Variants in CD58 observed in about 807,000 individuals in gnomAD.
CD58 encodes the protein CD58 molecule.
A neutral mutation model predicts 27.6 loss-of-function variants in CD58; 14 were observed. That is an observed-to-expected ratio of 0.51 (90% CI 0.34 to 0.79). CD58 has a LOEUF of 0.79. CD58 is among the 30% of genes least tolerant of loss of function. CD58 has a pLI of 0.02. For missense variants in CD58, 268 were observed against 301.7 expected, an observed-to-expected ratio of 0.89 and a Z score of 0.83; for synonymous variants, 117 against 103.8, an observed-to-expected ratio of 1.13 and a Z score of -0.77.
At position 116,519,415 on chromosome 1, in the gene CD58, A is replaced by T; in HGVS notation, c.707-148T>A. 1.4e-6 allele frequency: 1 copy of T among 736,806 alleles called. No homozygotes were observed. The allele number at this position is 736,806 out of a possible 1,614,324, so 45.6% of individuals were successfully genotyped here. On this transcript the variant is annotated intron_variant, in intron 4 of 5. Transcript: ENST00000369489. This position sits in a 1 kb window ranked among gnomAD's most constrained non-coding sequence, Gnocchi z 4.7. ...GATTTCCTGCTATCCTATATGCTTTAAATCAAATCGGCTACAGAGCTGGTC... is the reference window on the plus strand; with the variant it reads ...GATTTCCTGCTATCCTATATGCTTTTAATCAAATCGGCTACAGAGCTGGTC...
At chr1:116,556,888 T>C (rs2101215013) in intron 1 of CD58, among the ~76,000 whole-genome samples, 1 of 152,306 alleles carries the variant, frequency 6.6e-6, no homozygotes, top group South Asian at 2.1e-4. Flanking sequence ...CCTCAGCTCC[T>C]GCCATGTGGA....
chr1:116,561,398 T>C (rs1445922759), intron 1 of CD58, among the ~76,000 whole-genome samples: 5 of 152,184 alleles, frequency 3.3e-5, no homozygotes, highest in African/African-American at 1.2e-4. Flanking sequence ...TTATAGATGT[T>C]ATGATGTTAT....
intron 4 of CD58, among the ~76,000 whole-genome samples, chr1:116,520,558 G>A (rs1053691173): frequency 4.0e-5 from 6 of 150,608 alleles, no homozygotes; most frequent in African/African-American, 1.5e-4. Flanking sequence ...AAGTTCTATG[G>A]AAACTCAGTG....
chr1:116,530,080 C>T (rs567072544), intron 3 of CD58, among the ~76,000 whole-genome samples: 49 of 152,096 alleles, frequency 3.2e-4, no homozygotes, highest in Non-Finnish European at 5.4e-4. Flanking sequence ...TATTTTGAAA[C>T]GTATAGAGAG....
rs562222470 is a variant in CD58 at position 116,521,396 on chromosome 1, A to C, written c.706+510T>G. ...AGGCTGGGAACAAATTCTCCAAGTC[A>C]TCAGTTCTCCAAGCTGTATGACTGC... On this transcript the variant is annotated intron_variant, in intron 4 of 5. Transcript: ENST00000369489. This position sits in a 1 kb window ranked among gnomAD's most constrained non-coding sequence, Gnocchi z 5.6. Among the ~76,000 whole-genome samples the C allele has an allele frequency of 6.6e-6, 1 of 152,204 alleles. No individual in the cohort carries two copies. The highest frequency in any genetic ancestry group is 2.1e-4 in the South Asian group (1 of 4,824).
rs1240461483 is a variant in CD58 at position 116,544,605 on chromosome 1, C to A, written c.71-1G>T. 2 of 1,552,848 alleles carry A rather than the reference C, an allele frequency of 1.3e-6. No homozygotes were observed. The highest frequency in any genetic ancestry group is 2.3e-5 in the East Asian group (1 of 44,144). ...TGTTGGGAAAAACAGCTGATGAAACCTAGGAGAGAAAAAAAAATTGGTTAG... is the reference window on the plus strand; with the variant it reads ...TGTTGGGAAAAACAGCTGATGAAACATAGGAGAGAAAAAAAAATTGGTTAG... On this transcript the variant is annotated splice_acceptor_variant, in intron 1 of 5. Transcript: ENST00000369489. LOFTEE classifies it high-confidence loss of function.
chr1:116,553,157 ATTGT>A (rs545859440), intron 1 of CD58, among the ~76,000 whole-genome samples: 162 of 149,804 alleles, frequency 1.1e-3, no homozygotes, highest in African/African-American at 3.8e-3. Context: ...TTTGTATTAG[ATTGT>A]TTGTTTTTTT....
chr1:116,542,080 A>C (rs1658005094), intron 2 of CD58, among the ~76,000 whole-genome samples: 1 of 152,220 alleles, frequency 6.6e-6, no homozygotes, highest in South Asian at 2.1e-4. Context: ...GGAGTTCAAG[A>C]CCAGCCTGAC....
rs781146458 is a variant in CD58 at position 116,570,995 on chromosome 1, G to T, written c.-23C>A. 6.5e-7 allele frequency: 1 copy of T among 1,532,694 alleles called. No individual in the cohort carries two copies. Among genetic ancestry groups the T allele is most frequent in the Admixed American group, 2.0e-5 (1 of 50,418 alleles). 94.9% of individuals were successfully genotyped at this position (1,532,694 alleles called of 1,614,324 possible). A position where few individuals can be genotyped will look rare whatever the true frequency, so the allele number is the denominator to read the frequency against. ...CATGGCTCGTCGGGCCGGCCTCTGCGCGAGTGCCCAGCCACAAGCAGCCCT... is the reference window on the plus strand; with the variant it reads ...CATGGCTCGTCGGGCCGGCCTCTGCTCGAGTGCCCAGCCACAAGCAGCCCT... On this transcript the variant is annotated 5_prime_UTR_variant, in exon 1 of 6. Coordinates refer to ENST00000369489, the MANE Select transcript of CD58 (RefSeq NM_001779.3). This position sits in a 1 kb window ranked among gnomAD's most constrained non-coding sequence, Gnocchi z 6.4.
rs765890915 is a variant in CD58 at position 116,534,441 on chromosome 1, G to A, written c.628+1524C>T. On this transcript the variant is annotated intron_variant, in intron 3 of 5. Coordinates refer to ENST00000369489, the MANE Select transcript of CD58 (RefSeq NM_001779.3). The surrounding 1 kb of genome is among the most constrained non-coding windows in gnomAD (Gnocchi z 5.3). ...TCCTCCGGGTGCGCCGCGGCCCTCC[G>A]GGTACGCGGGGCTGGCTGGGCTAGC... Among the ~76,000 whole-genome samples the A allele has an allele frequency of 6.6e-6, 1 of 152,184 alleles. No homozygotes were observed. The highest frequency in any genetic ancestry group is 2.4e-5 in the African/African-American group (1 of 41,434).
At chr1:116,551,940 A>G (rs1658406972) in intron 1 of CD58, among the ~76,000 whole-genome samples, 1 of 152,070 alleles carries the variant, frequency 6.6e-6, no homozygotes, top group African/African-American at 2.4e-5. Context: ...GGGTTTCGCC[A>G]TGTTGGCCAG....
Position 116,534,203 on chromosome 1 carries a change from C to T in CD58, c.628+1762G>A, listed in dbSNP as rs1293362304. Reference sequence around the variant, plus strand: ...CGCCGCCCATCTGGCTCGCACCGCACAGCTCCCAACAGCTGAGATGCAATG... The same window carrying T: ...CGCCGCCCATCTGGCTCGCACCGCATAGCTCCCAACAGCTGAGATGCAATG... On this transcript the variant is annotated intron_variant, in intron 3 of 5. Coordinates refer to ENST00000369489, the MANE Select transcript of CD58 (RefSeq NM_001779.3). This position sits in a 1 kb window ranked among gnomAD's most constrained non-coding sequence, Gnocchi z 5.3. 45 of 549,602 alleles carry T rather than the reference C, an allele frequency of 8.2e-5. No homozygotes were observed. The highest frequency in any genetic ancestry group is 5.0e-4 in the Middle Eastern group (1 of 1,996). The allele number at this position is 549,602 out of a possible 1,614,324, so 34.0% of individuals were successfully genotyped here. A position where few individuals can be genotyped will look rare whatever the true frequency, so the allele number is the denominator to read the frequency against.
At position 116,557,176 on chromosome 1, in the gene CD58, T is replaced by C. The variant is rs747765700; in HGVS notation, c.71-12572A>G. Among the ~76,000 whole-genome samples the C allele has an allele frequency of 5.9e-5, 9 of 152,204 alleles. No homozygotes were observed. Among genetic ancestry groups the C allele is most frequent in the Non-Finnish European group, 1.3e-4 (9 of 68,032 alleles). On this transcript the variant is annotated intron_variant, in intron 1 of 5. Coordinates refer to ENST00000369489, the MANE Select transcript of CD58 (RefSeq NM_001779.3). The surrounding 1 kb of genome is among the most constrained non-coding windows in gnomAD (Gnocchi z 5.2). ...TTAAATGTAGTTCAAAAGATAAGGC[T>C]TCCTGACAGAATAGCAAAATTTGAC...
Position 116,557,661 on chromosome 1 carries a change from C to CCCTT in CD58, c.71-13061_71-13058dup, listed in dbSNP as rs542122914. Among the ~76,000 whole-genome samples, 2 of 149,906 alleles carry CCCTT rather than the reference C, an allele frequency of 1.3e-5. No individual in the cohort carries two copies. Among genetic ancestry groups the CCCTT allele is most frequent in the Non-Finnish European group, 3.0e-5 (2 of 67,388 alleles). On this transcript the variant is annotated intron_variant, in intron 1 of 5. Coordinates refer to ENST00000369489, the MANE Select transcript of CD58 (RefSeq NM_001779.3). The surrounding 1 kb of genome is among the most constrained non-coding windows in gnomAD (Gnocchi z 5.2). ...CCCTCTCTCTCTCCCTCCTTCCCTC[C>CCCTT]CCTTCCTTCCTTCCTTCCTTTTTCT...
Position 116,519,424 on chromosome 1 carries a change from C to G in CD58, c.707-157G>C. ...CTATCCTATATGCTTTAAATCAAAT[C>G]GGCTACAGAGCTGGTCCAAAGAGTT... On this transcript the variant is annotated intron_variant, in intron 4 of 5. Transcript: ENST00000369489. The surrounding 1 kb of genome is among the most constrained non-coding windows in gnomAD (Gnocchi z 4.7). 2.8e-6 allele frequency: 2 copies of G among 711,658 alleles called. No individual in the cohort carries two copies. Among genetic ancestry groups the G allele is most frequent in the Non-Finnish European group, 4.9e-6 (2 of 404,860 alleles). The allele number at this position is 711,658 out of a possible 1,614,324, so 44.1% of individuals were successfully genotyped here.
chr1:116,561,058 C>T (rs930515866), intron 1 of CD58, among the ~76,000 whole-genome samples: 4 of 152,172 alleles, frequency 2.6e-5, no homozygotes, highest in African/African-American at 9.7e-5. Context: ...AAAACTTACA[C>T]ATATAAGGGC....
At position 116,534,016 on chromosome 1, in the gene CD58, T is replaced by C. The variant is rs1657707698; in HGVS notation, c.628+1949A>G. On this transcript the variant is annotated intron_variant, in intron 3 of 5. Coordinates refer to ENST00000369489, the MANE Select transcript of CD58 (RefSeq NM_001779.3). This position sits in a 1 kb window ranked among gnomAD's most constrained non-coding sequence, Gnocchi z 5.3. Reference sequence around the variant, plus strand: ...ATTCTGCATCACCTGATCCGTGAGCTTTTCCGTCTTACTTGCATTTTTAGC... The same window carrying C: ...ATTCTGCATCACCTGATCCGTGAGCCTTTCCGTCTTACTTGCATTTTTAGC... The C allele has an allele frequency of 6.9e-6, 9 of 1,299,554 alleles. No homozygotes were observed. The highest frequency in any genetic ancestry group is 3.3e-6 in the Non-Finnish European group (3 of 898,732). 80.5% of individuals were successfully genotyped at this position (1,299,554 alleles called of 1,614,324 possible).
chr1:116,542,117 A>G (rs1448486910), intron 2 of CD58, among the ~76,000 whole-genome samples: 1 of 152,172 alleles, frequency 6.6e-6, no homozygotes, highest in Non-Finnish European at 1.5e-5. Flanking sequence ...CATCTCTACT[A>G]AAAATACAAA....
Position 116,546,983 on chromosome 1 carries a change from G to A in CD58, c.71-2379C>T, listed in dbSNP as rs541122928. On this transcript the variant is annotated intron_variant, in intron 1 of 5. Coordinates refer to ENST00000369489, the MANE Select transcript of CD58 (RefSeq NM_001779.3). The surrounding 1 kb of genome is among the most constrained non-coding windows in gnomAD (Gnocchi z 4.1). ...TTAGTAAGTATATTTTCTTCCTTAT[G>A]CTTTTTTTTCTTTTTTAAATTTTTT... 1.2e-4 allele frequency among the ~76,000 whole-genome samples: 18 copies of A among 151,458 alleles called. No individual in the cohort carries two copies. The highest frequency in any genetic ancestry group is 4.4e-4 in the African/African-American group (18 of 41,218).
Sources: gnomAD v4.1 joint callset for allele counts (sites outside exome capture counted in the v4.1 genomes callset) on GRCh38, gnomAD v4.1.1 for gene constraint, Gnocchi (gnomAD v3.1) non-coding constraint, MANE v1.5 for transcripts, NCBI Gene and HGNC (gene_info 2026-07-23, HGNC 2026-07-21) for gene names.